TRMT6: variants seen among roughly 807,000 people sequenced by gnomAD.
TRMT6 encodes tRNA methyltransferase 6 non-catalytic subunit, also known as tRNA (adenine(58)-N(1))-methyltransferase non-catalytic subunit TRM6.
A neutral mutation model predicts 59.0 loss-of-function variants in TRMT6; 34 were observed. The ratio of observed to expected loss-of-function variants is 0.58; its 90% CI spans 0.44 to 0.77. The LOEUF is 0.77. TRMT6 is among the 30% of genes least tolerant of loss of function. TRMT6 has a pLI of 0.00. For missense variants in TRMT6, 575 were observed against 604.5 expected, an observed-to-expected ratio of 0.95 and a Z score of 0.51; for synonymous variants, 217 against 210.5, an observed-to-expected ratio of 1.03 and a Z score of -0.27.
Position 5,948,219 on chromosome 20 carries a change from G to A in TRMT6, c.129-1686C>T, listed in dbSNP as rs140716796. On this transcript the variant is annotated intron_variant, in intron 1 of 10. Coordinates refer to ENST00000203001, the MANE Select transcript of TRMT6 (RefSeq NM_015939.5). ...ATGTGATATGCAGAGGGGATGATGC[G>A]TGTCACTTAAAACTGGCTGGTTTGA... 3.3e-3 allele frequency among the ~76,000 whole-genome samples: 499 copies of A among 152,292 alleles called. 5 individuals are homozygous for A. The highest frequency in any genetic ancestry group is 0.011 in the African/African-American group (474 of 41,552).
chr20:5,949,622 C>T (rs945318605), intron 1 of TRMT6, among the ~76,000 whole-genome samples: 1 of 152,130 alleles, frequency 6.6e-6, no homozygotes, highest in African/African-American at 2.4e-5. Flanking sequence ...GTGAGTAAAA[C>T]GAGGGAAACT....
chr20:5,944,867 T>C lies in TRMT6; in HGVS notation c.304A>G (p.Lys102Glu). ...TCATCTTGAGTAAGTTTCTGAGATT[T>C]CCCATCATCAACTATATTTCGATTA... ...TDNRNIVDDG[K>E]SQKLTQDDIK... Residue 102 changes from lysine to glutamate, a missense_variant, in exon 3 of 11, where the codon AAA becomes GAA. Physicochemically the swap from Lys to Glu is moderately conservative, Grantham distance 56. Transcript: ENST00000203001. 6.2e-7 allele frequency: 1 copy of C among 1,614,138 alleles called. No homozygotes were observed. Among genetic ancestry groups the C allele is most frequent in the Non-Finnish European group, 8.5e-7 (1 of 1,179,984 alleles).
chr20:5,942,256 A>G, intron 7 of TRMT6, 172 bp downstream of exon 7: 1 of 756,754 alleles, frequency 1.3e-6, no homozygotes, highest in Non-Finnish European at 2.2e-6. Flanking sequence ...CTAAAGCTCC[A>G]TCCCGAAGAC....
chr20:5,940,563 G>C (rs236174), intron 10 of TRMT6, among the ~76,000 whole-genome samples: 19 of 152,210 alleles, frequency 1.2e-4, no homozygotes, highest in African/African-American at 4.1e-4. Context: ...TATTCTCTGA[G>C]TAACAGCCAT....
Position 5,949,926 on chromosome 20 carries a change from T to C in TRMT6, c.128+352A>G, listed in dbSNP as rs191976976. On this transcript the variant is annotated intron_variant, in intron 1 of 10. Coordinates refer to ENST00000203001, the MANE Select transcript of TRMT6 (RefSeq NM_015939.5). ...GGGAAAGAACTTCAGGACAGGTGATTAGGGTGTGGAGAGGGAGGCATTGGC... is the reference window on the plus strand; with the variant it reads ...GGGAAAGAACTTCAGGACAGGTGATCAGGGTGTGGAGAGGGAGGCATTGGC... 9.3e-3 allele frequency among the ~76,000 whole-genome samples: 1,285 copies of C among 138,444 alleles called. 12 individuals carry two copies. The highest frequency in any genetic ancestry group is 0.015 in the South Asian group (66 of 4,404). The allele number at this position is 138,444 out of a possible 152,430, so 90.8% of individuals were successfully genotyped here. A position where few individuals can be genotyped will look rare whatever the true frequency, so the allele number is the denominator to read the frequency against.
Position 5,937,985 on chromosome 20 carries a change from A to G in TRMT6, c.*550T>C, listed in dbSNP as rs180680842. 5 of 152,400 alleles carry G rather than the reference A, an allele frequency of 3.3e-5. No individual in the cohort carries two copies. The highest frequency in any genetic ancestry group is 1.2e-4 in the African/African-American group (5 of 41,592). 9.4% of individuals were successfully genotyped at this position (152,400 alleles called of 1,614,324 possible). A position where few individuals can be genotyped will look rare whatever the true frequency, so the allele number is the denominator to read the frequency against. On this transcript the variant is annotated 3_prime_UTR_variant, in exon 11 of 11. Coordinates refer to ENST00000203001, the MANE Select transcript of TRMT6 (RefSeq NM_015939.5). Reference sequence around the variant, plus strand: ...AAAAAGAGCAGTAAAATAAATACTCAGAACTTTCCCAGGTTGTCAACTATT... The same window carrying G: ...AAAAAGAGCAGTAAAATAAATACTCGGAACTTTCCCAGGTTGTCAACTATT...
chr20:5,942,465 T>A lies in TRMT6; in HGVS notation c.989A>T (p.His330Leu), dbSNP rs777193566. The A allele has an allele frequency of 1.2e-6, 2 of 1,614,118 alleles. No individual in the cohort carries two copies. Among genetic ancestry groups the A allele is most frequent in the East Asian group, 2.2e-5 (1 of 44,890 alleles). Residue 330 changes from histidine to leucine, a missense_variant, in exon 7 of 11, where the codon CAT (histidine) becomes CTT (leucine). Coordinates refer to ENST00000203001, the MANE Select transcript of TRMT6 (RefSeq NM_015939.5). ...GCTTCCTCTCTCTTTAGGCCCCTTA[T>A]GTTCTGGATCTTGAGAAATTGTTTC... ...TMETISQDPEHKGPKERGSKK... is the reference protein window; with the variant it reads ...TMETISQDPELKGPKERGSKK...
intron 1 of TRMT6, among the ~76,000 whole-genome samples, chr20:5,949,937 G>A (rs1016539695): frequency 2.0e-5 from 3 of 152,064 alleles, no homozygotes; most frequent in South Asian, 4.1e-4. Flanking sequence ...AGGGTGTGGA[G>A]AGGGAGGCAT....
At position 5,946,551 on chromosome 20, in the gene TRMT6, T is replaced by A; in HGVS notation, c.129-18A>T. The A allele has an allele frequency of 6.2e-7, 1 of 1,611,640 alleles. No individual in the cohort carries two copies. The highest frequency in any genetic ancestry group is 1.3e-5 in the African/African-American group (1 of 74,942). On this transcript the variant is annotated intron_variant, in intron 1 of 10. Transcript: ENST00000203001. Reference sequence around the variant, plus strand: ...TTACTTTTCTAGGGAAAAAAAGTAATCAATTAACTGAATATCTTTTCTATC... The same window carrying A: ...TTACTTTTCTAGGGAAAAAAAGTAAACAATTAACTGAATATCTTTTCTATC...
At chr20:5,940,898 C>T (rs934154033) in intron 10 of TRMT6, among the ~76,000 whole-genome samples, 155 bp downstream of exon 10, 17 of 152,086 alleles carry the variant, frequency 1.1e-4, no homozygotes, top group African/African-American at 3.6e-4. Flanking sequence ...TGGGCTCAAG[C>T]GATCTGCCTG....
At chr20:5,948,193 T>C (rs2088724414) in intron 1 of TRMT6, among the ~76,000 whole-genome samples, 1 of 152,124 alleles carries the variant, frequency 6.6e-6, no homozygotes, top group Admixed American at 6.5e-5. Flanking sequence ...TCTGAGAGCC[T>C]ATGTGATATG....
intron 3 of TRMT6, 56 bp downstream of exon 3, chr20:5,944,749 C>T: frequency 7.2e-7 from 1 of 1,393,022 alleles, no homozygotes; most frequent in African/African-American, 1.4e-5. Flanking sequence ...AAAAACCCAA[C>T]AGTTTCCTAA....
In TRMT6 at chr20:5,938,551, G is replaced by C; in HGVS notation, c.1478C>G (p.Pro493Arg). 6.2e-7 allele frequency: 1 copy of C among 1,614,074 alleles called. No individual in the cohort carries two copies. Among genetic ancestry groups the C allele is most frequent in the Non-Finnish European group, 8.5e-7 (1 of 1,179,970 alleles). The change falls in exon 11 of 11, where the codon CCA (proline) becomes CGA (arginine). Residue 493 changes from proline (P) to arginine (R), a missense_variant. Coordinates refer to ENST00000203001, the MANE Select transcript of TRMT6 (RefSeq NM_015939.5). ...EEPAAKKRKC[P>R]ESDS ...TCAAAAGGGTTAAGAGTCAGACTCT[G>C]GGCATTTTCGTTTTTTAGCTGCAGG... is the stretch of plus-strand genomic sequence containing the variant.
Position 5,941,233 on chromosome 20 carries a change from CCAGT to C in TRMT6, c.1215+6_1215+9del. ...CATAAGAATTCCTGCCCATTCCATT[CCAGT>C]ATTACCTCTTTGTACTGACAGTAGA... On this transcript the variant is annotated splice_donor_region_variant and intron_variant, in intron 9 of 10. Transcript: ENST00000203001. 1 of 1,612,204 alleles carries C rather than the reference CCAGT, an allele frequency of 6.2e-7. No individual in the cohort carries two copies. Among genetic ancestry groups the C allele is most frequent in the Non-Finnish European group, 8.5e-7 (1 of 1,178,254 alleles).
chr20:5,945,028 C>T (rs1165163723), intron 2 of TRMT6, 114 bp from the exon 3 acceptor site: 8 of 737,368 alleles, frequency 1.1e-5, no homozygotes, highest in South Asian at 3.3e-5. Context: ...GGCCTCCCAG[C>T]TGCACTGCCC....
At chr20:5,939,837 T>C (rs1381134367) in intron 10 of TRMT6, among the ~76,000 whole-genome samples, 1 of 152,086 alleles carries the variant, frequency 6.6e-6, no homozygotes, top group Non-Finnish European at 1.5e-5. Context: ...GCATCCCCAC[T>C]ACAGTATGGT....
In TRMT6 at chr20:5,937,550, T is replaced by TTAATAATC. The variant is rs1225709505; in HGVS notation, c.*977_*984dup. ...CTAATCATGACAGAGTTCTTCAGCA[T>TTAATAATC]TAATAATCAAGAAAGGCACTTTAGG... On this transcript the variant is annotated 3_prime_UTR_variant, in exon 11 of 11. Transcript: ENST00000203001. 1 of 152,208 alleles carries TTAATAATC rather than the reference T, an allele frequency of 6.6e-6. No homozygotes were observed. Among genetic ancestry groups the TTAATAATC allele is most frequent in the Non-Finnish European group, 1.5e-5 (1 of 68,048 alleles). The allele number at this position is 152,208 out of a possible 1,614,324, so 9.4% of individuals were successfully genotyped here.
At position 5,950,138 on chromosome 20, in the gene TRMT6, G is replaced by A. The variant is rs2088772471; in HGVS notation, c.128+140C>T. 4.3e-5 allele frequency: 37 copies of A among 852,998 alleles called. 1 individual carries two copies. The South Asian group carries it at 5.0e-4, about 12-fold the overall frequency. The allele number at this position is 852,998 out of a possible 1,614,324, so 52.8% of individuals were successfully genotyped here. A position where few individuals can be genotyped will look rare whatever the true frequency, so the allele number is the denominator to read the frequency against. ...AGCCTTCTGTGACAGAAAGACCCGA[G>A]GAGACAACGAGGGCGGGGAATGGGG... is the stretch of plus-strand genomic sequence containing the variant. On this transcript the variant is annotated intron_variant, in intron 1 of 10. Transcript: ENST00000203001.
intron 2 of TRMT6, 88 bp downstream of exon 2, chr20:5,946,318 G>C: frequency 6.6e-7 from 1 of 1,512,646 alleles, no homozygotes; most frequent in Non-Finnish European, 9.1e-7. Context: ...GGGATAGCAT[G>C]GCCTAGCACT....
Sources: gnomAD v4.1 joint callset for allele counts (sites outside exome capture counted in the v4.1 genomes callset) on GRCh38, gnomAD v4.1.1 for gene constraint, MANE v1.5 for transcripts, NCBI Gene and HGNC (gene_info 2026-07-23, HGNC 2026-07-21) for gene names.